PPIP5K1: variants seen among roughly 807,000 people sequenced by gnomAD.
PPIP5K1 encodes the protein diphosphoinositol pentakisphosphate kinase 1, also known as inositol hexakisphosphate and diphosphoinositol-pentakisphosphate kinase 1.
Under a neutral mutation model 27.7 loss-of-function variants are expected in PPIP5K1, and 6 were observed. The observed-to-expected ratio is 0.22, with a 90% CI of 0.12 to 0.43. The LOEUF (loss-of-function observed/expected upper bound fraction) is 0.43, where lower values mean the gene tolerates loss of function less well. PPIP5K1 is among the 20% of genes least tolerant of loss of function. The pLI is 1.00. For synonymous variants in PPIP5K1, 145 were observed against 242.6 expected, an observed-to-expected ratio of 0.60 and a Z score of 3.74; for missense variants, 394 against 635.4, an observed-to-expected ratio of 0.62 and a Z score of 4.08.
chr15:43,535,212 C>G lies in PPIP5K1; in HGVS notation c.3935G>C (p.Ser1312Thr), dbSNP rs1362890906. Residue 1312 changes from serine (S) to threonine (T), a missense_variant, in exon 32 of 32, where the codon AGC becomes ACC. Around this residue, in one of 4 missense-constraint regions of PPIP5K1, gnomAD observed 379 missense variants for 423.9 expected, o/e 0.89. Coordinates refer to ENST00000420765, the MANE Select transcript of PPIP5K1 (RefSeq NM_001394395.1). ...GTCAGGGACCTCCTGACATGGCTGG[C>G]TGACCTCCTCGTATGGCTGGCTGGT... ...METSQPYEEV[S>T]QPCQEVPDIS... is the part of the protein sequence containing the mutation. 9 of 1,614,042 alleles carry G rather than the reference C, an allele frequency of 5.6e-6. No homozygotes were observed. The highest frequency in any genetic ancestry group is 7.6e-6 in the Non-Finnish European group (9 of 1,180,010).
chr15:43,551,069 C>G (rs966622056), intron 30 of PPIP5K1, among the ~76,000 whole-genome samples: 5 of 152,172 alleles, frequency 3.3e-5, no homozygotes, highest in African/African-American at 1.2e-4. Flanking sequence ...ATGGTGTCAT[C>G]TGAAATGTGT....
intron 30 of PPIP5K1, among the ~76,000 whole-genome samples, chr15:43,539,846 C>G (rs1261820529): frequency 6.6e-6 from 1 of 152,198 alleles, no homozygotes; most frequent in East Asian, 1.9e-4. Flanking sequence ...ATTTAACACA[C>G]TGACATTTTT....
At chr15:43,546,014 A>G (rs12910639) in intron 30 of PPIP5K1, among the ~76,000 whole-genome samples, 25,064 of 145,588 alleles carry the variant, frequency 0.17, 2,194 homozygotes, top group Middle Eastern at 0.27. Context: ...CTTTATGGGG[A>G]AAAAAAAAAA....
intron 30 of PPIP5K1, among the ~76,000 whole-genome samples, chr15:43,540,891 A>C (rs2140423884): frequency 6.6e-6 from 1 of 151,908 alleles, no homozygotes; most frequent in East Asian, 1.9e-4. Context: ...AGAGAAGAGA[A>C]AAGATATATA....
intron 31 of PPIP5K1, chr15:43,537,344 CAAAAAAAA>C (rs375557879): frequency 9.5e-4 from 79 of 83,406 alleles, no homozygotes; most frequent in East Asian, 1.2e-3. Flanking sequence ...GACTCCACCT[CAAAAAAAA>C]AAAAAAAAAA....
At chr15:43,545,156 C>T (rs575725843) in intron 30 of PPIP5K1, among the ~76,000 whole-genome samples, 21 of 146,410 alleles carry the variant, frequency 1.4e-4, no homozygotes, top group East Asian at 8.0e-4. Context: ...CTAGCCTGGG[C>T]GACAGAGCAA....
At chr15:43,559,459 G>A (rs1008702300) in intron 29 of PPIP5K1, among the ~76,000 whole-genome samples, 1 of 152,196 alleles carries the variant, frequency 6.6e-6, no homozygotes, top group Non-Finnish European at 1.5e-5. Context: ...ATACTTGGAT[G>A]CAAACTGGAG....
At chr15:43,550,918 T>C (rs2082111474) in intron 30 of PPIP5K1, among the ~76,000 whole-genome samples, 3 of 152,264 alleles carry the variant, frequency 2.0e-5, no homozygotes, top group African/African-American at 7.2e-5. Context: ...AGTTTTCTTG[T>C]ATTGAATCAC....
Position 43,535,013 on chromosome 15 carries a change from A to C in PPIP5K1, c.4134T>G (p.Ser1378=). The C allele has an allele frequency of 6.2e-7, 1 of 1,612,460 alleles. No individual in the cohort carries two copies. The highest frequency in any genetic ancestry group is 2.2e-5 in the East Asian group (1 of 44,772). ...CCAGACATAGCTGGCAAACTTCCTC[A>C]GAGACTTTCTGGCACAGTTGGCTGG... ...QKSSQLCQKV[S]EEVCQLCLEN... The change falls in exon 32 of 32, where the codon TCT becomes TCG. Residue 1378 remains serine (S), a synonymous_variant. Transcript: ENST00000420765.
rs948073790 is a variant in PPIP5K1, at chr15:43,558,720, T to C, written c.3556+75A>G. The C allele has an allele frequency of 9.5e-6, 15 of 1,575,036 alleles. No individual in the cohort carries two copies. The African/African-American group carries it at 2.0e-4, about 21-fold the overall frequency. On this transcript the variant is annotated intron_variant, in intron 30 of 31. Transcript: ENST00000420765. ...TGGATTGCCTAACTAGCTTTCTAATTTACTACTTTCTTATATTCTAGGAAG... is the reference window on the plus strand; with the variant it reads ...TGGATTGCCTAACTAGCTTTCTAATCTACTACTTTCTTATATTCTAGGAAG...
At chr15:43,549,043 A>T (rs2081794602) in intron 30 of PPIP5K1, among the ~76,000 whole-genome samples, 1 of 96,980 alleles carries the variant, frequency 1.0e-5, no homozygotes, top group African/African-American at 5.9e-5. Flanking sequence ...AAAAAAAAAA[A>T]AAAAAAAAAA....
intron 30 of PPIP5K1, among the ~76,000 whole-genome samples, chr15:43,541,224 C>T (rs1160249728): frequency 6.6e-6 from 1 of 152,074 alleles, no homozygotes; most frequent in East Asian, 2.0e-4. Context: ...GCGATCATCA[C>T]ACCTCAGCAC....
At position 43,534,588 on chromosome 15, in the gene PPIP5K1, G is replaced by A. The variant is rs1459874666; in HGVS notation, c.*86C>T. ...GTCATGGGCTAGAGACTGGCTCTGA[G>A]GGTTTGGATCACCAGATGGATGCTG... On this transcript the variant is annotated 3_prime_UTR_variant, in exon 32 of 32. Transcript: ENST00000420765. 5 of 1,238,228 alleles carry A rather than the reference G, an allele frequency of 4.0e-6. No individual in the cohort carries two copies. The highest frequency in any genetic ancestry group is 5.6e-6 in the Non-Finnish European group (5 of 895,684). 76.7% of individuals were successfully genotyped at this position (1,238,228 alleles called of 1,614,324 possible).
chr15:43,558,982 C>T (rs370637472), intron 29 of PPIP5K1, 50 bp from the exon 30 acceptor site: 7 of 1,605,860 alleles, frequency 4.4e-6, no homozygotes, highest in Non-Finnish European at 5.9e-6. Flanking sequence ...CCAGATATAC[C>T]CCAACTGGCC....
In PPIP5K1 at chr15:43,549,979, ATTACT is replaced by A. The variant is rs1179842897; in HGVS notation, c.3556+8811_3556+8815del. Reference sequence around the variant, plus strand: ...GAATAAGACCCTATCTCAGCAAAAAATTACTTTATAGAGACAAGGTCTTGCTATGT... The same window carrying A: ...GAATAAGACCCTATCTCAGCAAAAAATTATAGAGACAAGGTCTTGCTATGT... On this transcript the variant is annotated intron_variant, in intron 30 of 31. Transcript: ENST00000420765. 5.3e-5 allele frequency among the ~76,000 whole-genome samples: 8 copies of A among 152,182 alleles called. No homozygotes were observed. In the East Asian group the frequency reaches 1.4e-3, roughly 26 times the overall value.
chr15:43,549,759 C>G (rs2081961792), intron 30 of PPIP5K1, among the ~76,000 whole-genome samples: 2 of 152,086 alleles, frequency 1.3e-5, no homozygotes, highest in African/African-American at 4.8e-5. Context: ...TCACTTGATT[C>G]CAGGAATTCG....
chr15:43,558,178 TC>T lies in PPIP5K1; in HGVS notation c.3556+616del, dbSNP rs929793000. Among the ~76,000 whole-genome samples, 8 of 150,736 alleles carry T rather than the reference TC, an allele frequency of 5.3e-5. No individual in the cohort carries two copies. In the Admixed American group the frequency reaches 5.3e-4, roughly 10 times the overall value. On this transcript the variant is annotated intron_variant, in intron 30 of 31. Transcript: ENST00000420765. ...CTGGGCTCAAGCAGTTCTCCTAGCC[TC>T]CCAAGCAGCTGGGACTACAGGCACA...
intron 26 of PPIP5K1, among the ~76,000 whole-genome samples, chr15:43,567,399 TGA>T (rs2084231417): frequency 3.2e-3 from 10 of 3,170 alleles, no homozygotes; most frequent in Admixed American, 8.7e-3. Context: ...ATTATAGGCA[TGA>T]GCCACTGCGC....
intron 30 of PPIP5K1, among the ~76,000 whole-genome samples, chr15:43,558,333 T>C (rs564456775): frequency 4.7e-4 from 72 of 152,068 alleles, no homozygotes; most frequent in African/African-American, 1.6e-3. Context: ...GTTCAAGCGA[T>C]TCTCCTGCCT....
Sources: allele counts gnomAD v4.1 joint callset (sites outside exome capture counted in the v4.1 genomes callset), GRCh38; gene constraint gnomAD v4.1.1; regional missense constraint gnomAD v4.1.1; transcripts MANE v1.5; gene names NCBI Gene and HGNC (gene_info 2026-07-23, HGNC 2026-07-21).